DNAH7: variants seen among roughly 807,000 people sequenced by gnomAD.
The protein encoded by DNAH7 is dynein axonemal heavy chain 7, also known as axonemal beta dynein heavy chain 7.
A neutral mutation model predicts 444.6 loss-of-function variants in DNAH7; 397 were observed. That is an observed-to-expected ratio of 0.89 (90% CI 0.82 to 0.97). The LOEUF (loss-of-function observed/expected upper bound fraction) is 0.97. DNAH7 is among the 50% of genes least tolerant of loss of function. The pLI, the probability that DNAH7 is intolerant of heterozygous loss-of-function variation, is 0.00. For missense variants in DNAH7, 4,902 were observed against 4,800.8 expected, an observed-to-expected ratio of 1.02 and a Z score of -0.62; for synonymous variants, 1,636 against 1,624.4, an observed-to-expected ratio of 1.01 and a Z score of -0.17.
rs771346636 is a variant in DNAH7, at chr2:195,853,398, A to C, written c.8726T>G (p.Leu2909Arg). ...QLYINLTGDI[L>R]ISSGVVAYLG... ...GTAAGCAACCACTCCGGAGGAAATG[A>C]GGATATCCCCAGTCAAGTTGATGTA... Residue 2909 changes from leucine (L) to arginine (R), a missense_variant, in exon 46 of 65, where the codon CTC (leucine) becomes CGC (arginine). Physicochemically the swap from Leu to Arg is moderately radical, Grantham distance 102. Transcript: ENST00000312428. 1 of 1,614,070 alleles carries C rather than the reference A, an allele frequency of 6.2e-7. No homozygotes were observed. The highest frequency in any genetic ancestry group is 1.7e-5 in the Admixed American group (1 of 60,014).
chr2:195,780,663 A>G (rs1246363926), intron 58 of DNAH7, among the ~76,000 whole-genome samples: 1 of 152,112 alleles, frequency 6.6e-6, no homozygotes, highest in Non-Finnish European at 1.5e-5. Context: ...AGGCATGAGA[A>G]TCACTTGAAC....
Position 195,960,929 on chromosome 2 carries a change from G to C in DNAH7, c.2222C>G (p.Ala741Gly). 1 of 1,593,898 alleles carries C rather than the reference G, an allele frequency of 6.3e-7. No individual in the cohort carries two copies. The highest frequency in any genetic ancestry group is 8.6e-7 in the Non-Finnish European group (1 of 1,168,596). Residue 741 changes from alanine to glycine, a missense_variant, in exon 18 of 65, where the codon GCT becomes GGT. By Grantham distance (60) the Ala-to-Gly change is moderately conservative (BLOSUM62 0). Transcript: ENST00000312428. ...LAADKIEQFNAEEEAFGWLPS... is the reference protein window; with the variant it reads ...LAADKIEQFNGEEEAFGWLPS... ...TAGCCAACCAAATGCTTCCTCTTCAGCATTAAACTGCTCAATCTGAAAGGA... is the reference window on the plus strand; with the variant it reads ...TAGCCAACCAAATGCTTCCTCTTCACCATTAAACTGCTCAATCTGAAAGGA...
In DNAH7 at chr2:195,935,807, A is replaced by C. The variant is rs146538881; in HGVS notation, c.3272+792T>G. 2.0e-3 allele frequency among the ~76,000 whole-genome samples: 311 copies of C among 152,200 alleles called. 1 individual carries two copies. Among genetic ancestry groups the C allele is most frequent in the African/African-American group, 7.1e-3 (297 of 41,542 alleles). On this transcript the variant is annotated intron_variant, in intron 20 of 64. Coordinates refer to ENST00000312428, the MANE Select transcript of DNAH7 (RefSeq NM_018897.3). ...TTTCCACTAAGACTTATAGGAGGTAAAGGAAGAAGTATGATGAACATTTGG... is the reference window on the plus strand; with the variant it reads ...TTTCCACTAAGACTTATAGGAGGTACAGGAAGAAGTATGATGAACATTTGG...
At chr2:195,912,371 G>A (rs1253540382) in intron 24 of DNAH7, among the ~76,000 whole-genome samples, 2 of 152,202 alleles carry the variant, frequency 1.3e-5, no homozygotes, top group South Asian at 2.1e-4. Context: ...CCTGATGGCA[G>A]AATGGGAGAA....
At chr2:196,020,298 T>C (rs1172909043) in intron 8 of DNAH7, among the ~76,000 whole-genome samples, 1 of 152,170 alleles carries the variant, frequency 6.6e-6, no homozygotes, top group Non-Finnish European at 1.5e-5. Context: ...TTATATGTGG[T>C]ATAGGAGCTC....
Position 196,000,745 on chromosome 2 carries a change from T to C in DNAH7, c.1312A>G (p.Ser438Gly), listed in dbSNP as rs1205106465. 6.3e-7 allele frequency: 1 copy of C among 1,591,170 alleles called. No individual in the cohort carries two copies. The highest frequency in any genetic ancestry group is 8.6e-7 in the Non-Finnish European group (1 of 1,169,004). Reference protein sequence around the residue: ...NVYDVMIKAVSFVPRVETKLY... With the variant: ...NVYDVMIKAVGFVPRVETKLY... ...TTTGTCTCAACTCTTGGCACAAAAC[T>C]GACAGCTTTAATCATGACGTCATAA... Residue 438 changes from serine (S) to glycine (G), a missense_variant, in exon 12 of 65, where the codon AGT (serine) becomes GGT (glycine). Ser to Gly is a moderately conservative substitution (Grantham distance 56). Coordinates refer to ENST00000312428, the MANE Select transcript of DNAH7 (RefSeq NM_018897.3).
At chr2:195,975,345 C>A (rs1692119254) in intron 15 of DNAH7, among the ~76,000 whole-genome samples, 1 of 151,676 alleles carries the variant, frequency 6.6e-6, no homozygotes, top group African/African-American at 2.4e-5. Context: ...CATGCACAGA[C>A]CTCAGCAAAT....
At chr2:195,840,079 C>T (rs1698594731) in intron 47 of DNAH7, among the ~76,000 whole-genome samples, 3 of 151,658 alleles carry the variant, frequency 2.0e-5, no homozygotes, top group Non-Finnish European at 4.4e-5. Flanking sequence ...GATCAATATT[C>T]CTCATGAACA....
intron 48 of DNAH7, among the ~76,000 whole-genome samples, chr2:195,828,611 T>TA (rs1491404849): frequency 0.22 from 14,835 of 68,838 alleles, 929 homozygotes; most frequent in East Asian, 0.4. Context: ...TATATATATA[T>TA]TTTTTTTTTT....
At chr2:195,816,180 C>G (rs1697210234) in intron 51 of DNAH7, among the ~76,000 whole-genome samples, 1 of 152,114 alleles carries the variant, frequency 6.6e-6, no homozygotes, top group Admixed American at 6.6e-5. Flanking sequence ...AAAAGAAGAT[C>G]TATTACCACA....
intron 58 of DNAH7, among the ~76,000 whole-genome samples, chr2:195,784,044 T>C (rs151095328): frequency 6.6e-6 from 1 of 152,104 alleles, no homozygotes; most frequent in Non-Finnish European, 1.5e-5. Context: ...TCAACATCCA[T>C]GACCAAAGTG....
Position 195,777,858 on chromosome 2 carries a change from T to C in DNAH7, c.11006A>G (p.Glu3669Gly). The C allele has an allele frequency of 6.2e-7, 1 of 1,614,156 alleles. No homozygotes were observed. Among genetic ancestry groups the C allele is most frequent in the Non-Finnish European group, 8.5e-7 (1 of 1,179,976 alleles). The change falls in exon 59 of 65, where the codon GAA (glutamate) becomes GGA (glycine). Residue 3669 changes from glutamate to glycine, a missense_variant. Coordinates refer to ENST00000312428, the MANE Select transcript of DNAH7 (RefSeq NM_018897.3). ...LNKFFNPELV[E>G]NSDYKFDSSG... ...TGAGTCGAACTTATAGTCTGAATTT[T>C]CAACTAATTCGGGATTGAAGAATTT...
At chr2:195,850,188 T>C (rs1210732629) in intron 46 of DNAH7, among the ~76,000 whole-genome samples, 1 of 151,780 alleles carries the variant, frequency 6.6e-6, no homozygotes, top group Non-Finnish European at 1.5e-5. Flanking sequence ...AAAATGAGCA[T>C]GGAGGACTCC....
chr2:195,996,116 T>G (rs1693678101), intron 12 of DNAH7, among the ~76,000 whole-genome samples: 1 of 152,076 alleles, frequency 6.6e-6, no homozygotes, highest in Non-Finnish European at 1.5e-5. Context: ...TACACTAGAG[T>G]GCAATGTCAT....
At chr2:195,867,302 A>C (rs926424006) in intron 40 of DNAH7, among the ~76,000 whole-genome samples, 2 of 152,110 alleles carry the variant, frequency 1.3e-5, no homozygotes, top group Non-Finnish European at 2.9e-5. Context: ...ACCACCTCTC[A>C]CATTTTAAAA....
In DNAH7 at chr2:195,855,968, T is replaced by C; in HGVS notation, c.8438A>G (p.Lys2813Arg). Residue 2813 changes from lysine (K) to arginine (R), a missense_variant, in exon 45 of 65, where the codon AAA becomes AGA. Lys to Arg is a conservative substitution (Grantham distance 26). Transcript: ENST00000312428. ...TTCAGCTGCAGCCAGTTTTATCTTT[T>C]TGGGAGCTACTATTTTTGCCACTCT... Reference protein sequence around the residue: ...YDKVAKIVAPKKIKLAAAEGE... With the variant: ...YDKVAKIVAPRKIKLAAAEGE... The C allele has an allele frequency of 1.2e-6, 2 of 1,612,068 alleles. No homozygotes were observed. Among genetic ancestry groups the C allele is most frequent in the African/African-American group, 2.7e-5 (2 of 74,932 alleles).
intron 28 of DNAH7, among the ~76,000 whole-genome samples, chr2:195,898,743 G>A (rs1309001818): frequency 1.3e-5 from 2 of 152,134 alleles, no homozygotes; most frequent in African/African-American, 4.8e-5. Flanking sequence ...GGCTGGTCAT[G>A]CACTAAGTTA....
Position 195,970,201 on chromosome 2 carries a change from T to C in DNAH7, c.2059-107A>G. The C allele has an allele frequency of 3.9e-6, 4 of 1,035,554 alleles. No individual in the cohort carries two copies. In the South Asian group the frequency reaches 6.3e-5, roughly 16 times the overall value. The allele number at this position is 1,035,554 out of a possible 1,614,324, so 64.1% of individuals were successfully genotyped here. ...CAGAATTATTATTATATTTTGTCAC[T>C]GGTAAAACATAAAAGGATGATCTGG... is the stretch of plus-strand genomic sequence containing the variant. On this transcript the variant is annotated intron_variant, in intron 16 of 64. Transcript: ENST00000312428.
intron 47 of DNAH7, among the ~76,000 whole-genome samples, chr2:195,840,421 TTCTC>T (rs1698615522): frequency 6.6e-6 from 1 of 151,726 alleles, no homozygotes; most frequent in Non-Finnish European, 1.5e-5. Context: ...AAAAAACTGA[TTCTC>T]TCTAAGATCA....
Sources: allele counts gnomAD v4.1 joint callset (sites outside exome capture counted in the v4.1 genomes callset), GRCh38; gene constraint gnomAD v4.1.1; transcripts MANE v1.5; gene names NCBI Gene and HGNC (gene_info 2026-07-23, HGNC 2026-07-21).